The following PTPN2 variants were observed in gnomAD, a reference collection of about 807,000 sequenced individuals.
PTPN2 encodes the protein tyrosine-protein phosphatase non-receptor type 2.
A neutral mutation model predicts 57.3 loss-of-function variants in PTPN2; 19 were observed. That is an observed-to-expected ratio of 0.33 (90% confidence interval 0.23 to 0.49). The LOEUF is 0.49. Ranked by LOEUF, PTPN2 falls within the 20% of genes least tolerant of loss-of-function variation. The pLI is 0.99. For missense variants in PTPN2, 358 were observed against 501.1 expected (o/e 0.71, Z 2.73); for synonymous variants, 153 against 164.9 (o/e 0.93, Z 0.55).
chr18:12,838,526 CA>C (rs2042944856), intron 2 of PTPN2, among the ~76,000 whole-genome samples: 1 of 152,232 alleles, frequency 6.6e-6, no homozygotes, highest in Non-Finnish European at 1.5e-5. Flanking sequence ...AGTAACCACA[CA>C]CCAGAAAAGC....
chr18:12,880,059 G>A (rs2044617216), intron 1 of PTPN2, among the ~76,000 whole-genome samples: 2 of 152,206 alleles, frequency 1.3e-5, no homozygotes, highest in African/African-American at 4.8e-5. Context: ...GTCTTGGGAT[G>A]CTAAAGAAGT....
intron 2 of PTPN2, chr18:12,841,090 A>C: frequency 1.1e-6 from 1 of 931,492 alleles, no homozygotes; most frequent in East Asian, 3.7e-5. Flanking sequence ...CGTGACTCTG[A>C]GTACTGATAC....
In PTPN2 at chr18:12,832,954, G is replaced by T. The variant is rs149081486; in HGVS notation, c.262-1913C>A. Among the ~76,000 whole-genome samples the T allele has an allele frequency of 7.7e-3, 1,172 of 152,142 alleles. 14 individuals are homozygous for T. The highest frequency in any genetic ancestry group is 0.027 in the African/African-American group (1,119 of 41,504). On this transcript the variant is annotated intron_variant, in intron 3 of 8. Coordinates refer to ENST00000309660, the MANE Select transcript of PTPN2 (RefSeq NM_002828.4). ...CAGGCGTGCACCACCATGCCAGGCT[G>T]ATTTTTGTATTTTTAGTAGAGACGG...
chr18:12,815,133 T>A (rs117421239), intron 6 of PTPN2, among the ~76,000 whole-genome samples: 2,426 of 140,300 alleles, frequency 0.017, 36 homozygotes, highest in Non-Finnish European at 0.024. Context: ...AATAAATAAA[T>A]AAAAATGTGG....
At chr18:12,820,916 A>G (rs1244258438) in intron 5 of PTPN2, among the ~76,000 whole-genome samples, 1 of 152,254 alleles carries the variant, frequency 6.6e-6, no homozygotes, top group Non-Finnish European at 1.5e-5. Flanking sequence ...TCAAACTTGC[A>G]TATATGAAGC....
chr18:12,801,910 A>T, intron 8 of PTPN2, 60 bp downstream of exon 8: 1 of 1,443,438 alleles, frequency 6.9e-7, no homozygotes, highest in Non-Finnish European at 9.4e-7. Context: ...CTGGTCCCAT[A>T]AAATTTATTT....
chr18:12,862,912 T>G, intron 1 of PTPN2, among the ~76,000 whole-genome samples: 1 of 35,324 alleles, frequency 2.8e-5, no homozygotes, highest in Non-Finnish European at 1.7e-4. Context: ...CTAAATCAGG[T>G]CTGTAATATA....
At chr18:12,859,920 A>C (rs1213949911) in intron 1 of PTPN2, among the ~76,000 whole-genome samples, 1 of 152,190 alleles carries the variant, frequency 6.6e-6, no homozygotes, top group South Asian at 2.1e-4. Context: ...TGGGAGGCCG[A>C]GGCAGGCGGA....
intron 8 of PTPN2, among the ~76,000 whole-genome samples, chr18:12,796,895 G>A (rs146551844): frequency 6.6e-6 from 1 of 152,258 alleles, no homozygotes; most frequent in African/African-American, 2.4e-5. Context: ...TTGGGTACTT[G>A]TTTTATCTTC....
chr18:12,825,774 T>C (rs757012773), intron 5 of PTPN2, 36 bp downstream of exon 5: 6 of 1,570,114 alleles, frequency 3.8e-6, no homozygotes, highest in African/African-American at 1.4e-5. Flanking sequence ...TAAACCATCA[T>C]ATAAAGTCCA....
intron 5 of PTPN2, chr18:12,819,305 C>A: frequency 1.7e-6 from 2 of 1,151,084 alleles, no homozygotes; most frequent in South Asian, 1.5e-5. Context: ...AAAAATTTCT[C>A]CATTACAAAT....
At chr18:12,815,611 A>G (rs1366675692) in intron 6 of PTPN2, among the ~76,000 whole-genome samples, 3 of 152,150 alleles carry the variant, frequency 2.0e-5, no homozygotes, top group Non-Finnish European at 4.4e-5. Flanking sequence ...TTGGCAGGGA[A>G]CAGGTGTCAT....
chr18:12,831,406 CACT>C (rs1337457362), intron 3 of PTPN2, among the ~76,000 whole-genome samples: 1 of 152,194 alleles, frequency 6.6e-6, no homozygotes, highest in African/African-American at 2.4e-5. Context: ...TTGATACCGT[CACT>C]ACTATCTCCT....
Position 12,814,207 on chromosome 18 carries a change from A to T in PTPN2, c.854T>A (p.Ile285Lys). ...GAKCIKGDSS[I>K]QKRWKELSKE... is the part of the protein sequence containing the mutation. Reference sequence around the variant, plus strand: ...TAAAACCTGTATGAAGTTTACCTGTATACTAGAATCTCCCTTTATACATTT... The same window carrying T: ...TAAAACCTGTATGAAGTTTACCTGTTTACTAGAATCTCCCTTTATACATTT... Residue 285 changes from isoleucine to lysine, a missense_variant, in exon 7 of 9, where the codon ATA becomes AAA. By Grantham distance (102) the Ile-to-Lys change is moderately radical. This residue lies in a region of PTPN2 where 193 missense variants were observed against 315.4 expected (regional missense o/e 0.61). Transcript: ENST00000309660. 6.3e-7 allele frequency: 1 copy of T among 1,582,700 alleles called. No homozygotes were observed. Among genetic ancestry groups the T allele is most frequent in the South Asian group, 1.1e-5 (1 of 88,460 alleles).
At chr18:12,860,691 G>A (rs2043774414) in intron 1 of PTPN2, among the ~76,000 whole-genome samples, 2 of 152,168 alleles carry the variant, frequency 1.3e-5, no homozygotes, top group Admixed American at 1.3e-4. Context: ...AAACCCAGGA[G>A]GCGGAGGCTG....
At chr18:12,859,126 C>G (rs2043700081) in intron 2 of PTPN2, 38 bp downstream of exon 2, 1 of 1,554,252 alleles carries the variant, frequency 6.4e-7, no homozygotes, top group Non-Finnish European at 8.8e-7. Flanking sequence ...TAAAACAAAC[C>G]AAAAAATACA....
At chr18:12,807,954 C>T (rs374256433) in intron 7 of PTPN2, among the ~76,000 whole-genome samples, 4 of 151,976 alleles carry the variant, frequency 2.6e-5, no homozygotes, top group South Asian at 2.1e-4. Context: ...GAGGCTAGGG[C>T]GGGCAGATCG....
At chr18:12,789,383 G>A (rs932334243), downstream of PTPN2, among the ~76,000 whole-genome samples, 7 of 152,154 alleles carry the variant, frequency 4.6e-5, no homozygotes, top group Admixed American at 1.3e-4. Flanking sequence ...TTTTTAAATC[G>A]TGAAAAAATA....
chr18:12,858,287 CTATG>C (rs2043664773), intron 2 of PTPN2, among the ~76,000 whole-genome samples: 1 of 152,122 alleles, frequency 6.6e-6, no homozygotes, highest in South Asian at 2.1e-4. Flanking sequence ...AAGAGAAAAC[CTATG>C]TTTAGCCCAC....
Sources: allele counts gnomAD v4.1 joint callset (sites outside exome capture counted in the v4.1 genomes callset), GRCh38; gene constraint gnomAD v4.1.1; regional missense constraint gnomAD v4.1.1; transcripts MANE v1.5; gene names NCBI Gene and HGNC (gene_info 2026-07-23, HGNC 2026-07-21).